PTPA: variants seen among roughly 807,000 people sequenced by gnomAD.
The protein encoded by PTPA is serine/threonine-protein phosphatase 2A activator.
In PTPA, 13 loss-of-function variants were observed where a neutral mutation model predicts 43.6. The observed-to-expected ratio is 0.30, with a 90% CI of 0.19 to 0.47. The LOEUF (loss-of-function observed/expected upper bound fraction) is 0.47, where lower values mean the gene tolerates loss of function less well. Ranked by LOEUF, PTPA falls within the 20% of genes least tolerant of loss-of-function variation. The pLI is 0.99. For synonymous variants in PTPA, 172 were observed against 158.2 expected (o/e 1.09, Z -0.66); for missense variants, 329 against 411.9 (o/e 0.80, Z 1.74).
Position 129,116,549 on chromosome 9 carries a change from C to T in PTPA, c.32-3964C>T, listed in dbSNP as rs1047649518. Among the ~76,000 whole-genome samples the T allele has an allele frequency of 3.3e-5, 5 of 152,226 alleles. No individual in the cohort carries two copies. The East Asian group carries it at 9.7e-4, about 29-fold the overall frequency. On this transcript the variant is annotated intron_variant, in intron 1 of 9. Coordinates refer to ENST00000393370, the MANE Select transcript of PTPA (RefSeq NM_178000.3). ...CTAAAGCACCCGCCACCATGCCCGGCTAATTTTTTGTATTTTTAGTAGAGA... is the reference window on the plus strand; with the variant it reads ...CTAAAGCACCCGCCACCATGCCCGGTTAATTTTTTGTATTTTTAGTAGAGA...
At chr9:129,138,160 G>A (rs1461222417) in intron 8 of PTPA, 1 of 219,398 alleles carries the variant, frequency 4.6e-6, no homozygotes, top group East Asian at 1.1e-4. Flanking sequence ...CTCTGTCAGT[G>A]CCTGAGGACG....
intron 1 of PTPA, among the ~76,000 whole-genome samples, chr9:129,113,379 C>T (rs765356330): frequency 1.3e-5 from 2 of 151,700 alleles, no homozygotes; most frequent in African/African-American, 4.8e-5. Flanking sequence ...CATGAGCCAC[C>T]GTGCCTGGCC....
rs541038664 is a variant in PTPA, at chr9:129,130,151, T to G, written c.342+1041T>G. On this transcript the variant is annotated intron_variant, in intron 4 of 9. Coordinates refer to ENST00000393370, the MANE Select transcript of PTPA (RefSeq NM_178000.3). ...GTTACCTATTCAAAGCAAACAAAAA[T>G]AAAAATGCAGGATCTCAGACCCTGT... Among the ~76,000 whole-genome samples the G allele has an allele frequency of 1.1e-4, 17 of 152,280 alleles. 2 individuals are homozygous for G. In the South Asian group the frequency reaches 3.5e-3, roughly 32 times the overall value.
At chr9:129,147,360 C>G in intron 9 of PTPA, 27 bp from the exon 10 acceptor site, 1 of 1,611,732 alleles carries the variant, frequency 6.2e-7, no homozygotes, top group Admixed American at 1.7e-5. Context: ...GCCCTCACCA[C>G]TCTGCTCACC....
chr9:129,111,303 C>T, upstream of PTPA: 2 of 1,135,236 alleles, frequency 1.8e-6, no homozygotes, highest in African/African-American at 1.6e-5. Context: ...TAGCGCTTGG[C>T]GGCCGTTGGC....
chr9:129,147,215 G>A (rs1851363857), intron 9 of PTPA, among the ~76,000 whole-genome samples, 172 bp from the exon 10 acceptor site: 1 of 152,200 alleles, frequency 6.6e-6, no homozygotes, highest in African/African-American at 2.4e-5. Context: ...TGTGGAGTGG[G>A]TGTCTTTGGA....
At position 129,142,436 on chromosome 9, in the gene PTPA, C is replaced by G. The variant is rs146867459; in HGVS notation, c.787-9C>G. ...CCTGTCTCTTCAGCTTGTGGCTTCT[C>G]TTTTTCAGATGAAGACTGGCCCATT... is the stretch of plus-strand genomic sequence containing the variant. On this transcript the variant is annotated splice_polypyrimidine_tract_variant and intron_variant, in intron 8 of 9. Transcript: ENST00000393370. 6.6e-5 allele frequency: 103 copies of G among 1,559,538 alleles called. 1 individual carries two copies. The African/African-American group carries it at 1.1e-3, about 16-fold the overall frequency.
intron 3 of PTPA, among the ~76,000 whole-genome samples, chr9:129,127,367 C>T (rs956856223): frequency 6.6e-6 from 1 of 152,200 alleles, no homozygotes; most frequent in African/African-American, 2.4e-5. Flanking sequence ...TCTGCCTTGC[C>T]CTCCCAGGCG....
In PTPA at chr9:129,111,613, G is replaced by C; in HGVS notation, c.13G>C (p.Glu5Gln). 7.8e-7 allele frequency: 1 copy of C among 1,278,230 alleles called. No homozygotes were observed. The highest frequency in any genetic ancestry group is 1.0e-6 in the Non-Finnish European group (1 of 1,004,320). The allele number at this position is 1,278,230 out of a possible 1,614,324, so 79.2% of individuals were successfully genotyped here. Residue 5 changes from glutamate to glutamine, a missense_variant, in exon 1 of 10, where the codon GAG becomes CAG. Glu to Gln is a conservative substitution (Grantham distance 29). Transcript: ENST00000393370. MAEG[E>Q]RQPPPDSSEE... ...TGGCCGGAGCAAGATGGCTGAGGGC[G>C]AGCGGCAGCCGCCGCCAGGTAAGGC...
At chr9:129,125,622 G>C (rs1392947618) in intron 3 of PTPA, among the ~76,000 whole-genome samples, 1 of 152,076 alleles carries the variant, frequency 6.6e-6, no homozygotes, top group African/African-American at 2.4e-5. Context: ...AGTCCAGCTG[G>C]CTAGTTTCAT....
At chr9:129,142,813 G>A in intron 9 of PTPA, 3 of 1,535,006 alleles carry the variant, frequency 2.0e-6, no homozygotes, top group Non-Finnish European at 2.6e-6. Flanking sequence ...CTGAGGCAAG[G>A]ACCTGCTGCA....
chr9:129,126,127 C>T (rs1003990181), intron 3 of PTPA, among the ~76,000 whole-genome samples: 1 of 151,728 alleles, frequency 6.6e-6, no homozygotes, highest in African/African-American at 2.4e-5. Flanking sequence ...CCAGCCCAGG[C>T]GACAGTGCGA....
chr9:129,124,610 G>A (rs574829118), intron 3 of PTPA, among the ~76,000 whole-genome samples: 4 of 152,234 alleles, frequency 2.6e-5, no homozygotes, highest in Non-Finnish European at 5.9e-5. Flanking sequence ...GGCAGATACT[G>A]ATTGGCAGGT....
chr9:129,129,047 A>C lies in PTPA; in HGVS notation c.279A>C (p.Pro93=). 1 of 1,612,866 alleles carries C rather than the reference A, an allele frequency of 6.2e-7. No individual in the cohort carries two copies. Residue 93 remains proline (P), a synonymous_variant, in exon 4 of 10, where the codon CCA becomes CCC. Transcript: ENST00000393370. ...TLDRWIDETP[P]VDQPSRFGNK... ...ACAGGTGGATTGATGAGACTCCTCC[A>C]GTGGACCAGCCCTCTCGGTTTGGGA...
chr9:129,145,845 C>T (rs924974373), intron 9 of PTPA, among the ~76,000 whole-genome samples: 1 of 152,130 alleles, frequency 6.6e-6, no homozygotes, highest in Non-Finnish European at 1.5e-5. Context: ...GCTGGAAGGT[C>T]AGGGGGCAGT....
chr9:129,144,267 G>A (rs954831593), intron 9 of PTPA, among the ~76,000 whole-genome samples: 9 of 151,962 alleles, frequency 5.9e-5, no homozygotes, highest in East Asian at 1.9e-4. Context: ...CGGGGTCTCC[G>A]TGGGGGCTGA....
intron 1 of PTPA, among the ~76,000 whole-genome samples, chr9:129,112,877 G>A (rs1848632246): frequency 6.6e-6 from 1 of 151,796 alleles, no homozygotes; most frequent in African/African-American, 2.4e-5. Context: ...GGAAGCAGAG[G>A]TTGCGGTGAG....
intron 7 of PTPA, 52 bp downstream of exon 7, chr9:129,136,647 T>C: frequency 6.5e-7 from 1 of 1,547,690 alleles, no homozygotes; most frequent in Non-Finnish European, 8.8e-7. Flanking sequence ...GGCTGCGTTC[T>C]GTGGCCCTCC....
chr9:129,147,454 C>T lies in PTPA; in HGVS notation c.962C>T (p.Thr321Met), dbSNP rs150059994. The T allele has an allele frequency of 1.2e-5, 19 of 1,613,812 alleles. No individual in the cohort carries two copies. In the East Asian group the frequency reaches 1.8e-4, roughly 15 times the overall value. Residue 321 changes from threonine to methionine, a missense_variant, in exon 10 of 10, where the codon ACG (threonine) becomes ATG (methionine). Coordinates refer to ENST00000393370, the MANE Select transcript of PTPA (RefSeq NM_178000.3). ...AGCCTGCTGCCCATCCATCCTGTCA[C>T]GTCGGGCTAGGAGGGGCCAAGCCGA... ...FGSLLPIHPV[T>M]SG
Sources: allele counts gnomAD v4.1 joint callset (sites outside exome capture counted in the v4.1 genomes callset), GRCh38; gene constraint gnomAD v4.1.1; transcripts MANE v1.5; gene names NCBI Gene and HGNC (gene_info 2026-07-23, HGNC 2026-07-21).